The following PLXND1 variants were observed in gnomAD, a reference collection of about 807,000 sequenced individuals.
PLXND1 encodes plexin-D1.
A neutral mutation model predicts 197.7 loss-of-function variants in PLXND1; 54 were observed. The observed-to-expected ratio is 0.27, with a 90% CI of 0.22 to 0.34. The LOEUF (loss-of-function observed/expected upper bound fraction) is 0.34. PLXND1 is among the 10% of genes least tolerant of loss of function. The pLI, the probability that PLXND1 is intolerant of heterozygous loss-of-function variation, is 1.00. For missense variants in PLXND1, 2,127 were observed against 2,699.2 expected (o/e 0.79, Z 4.70); for synonymous variants, 1,180 against 1,161.2 (o/e 1.02, Z -0.33).
chr3:129,578,510 C>A (rs549912989), intron 8 of PLXND1, 77 bp from the exon 9 acceptor site: 1 of 856,262 alleles, frequency 1.2e-6, no homozygotes, highest in African/African-American at 1.7e-5. Context: ...GCACCCCAGC[C>A]TGCCTGGTTC....
chr3:129,586,926 T>C (rs1181077840), intron 2 of PLXND1, among the ~76,000 whole-genome samples: 1 of 152,194 alleles, frequency 6.6e-6, no homozygotes, highest in Non-Finnish European at 1.5e-5. Context: ...CAGGAGCTCC[T>C]TCTGGGCTCG....
intron 5 of PLXND1, among the ~76,000 whole-genome samples, chr3:129,585,398 G>T (rs535361235): frequency 1.3e-5 from 2 of 152,166 alleles, no homozygotes; most frequent in Non-Finnish European, 2.9e-5. Flanking sequence ...ATCCCCCACC[G>T]CCAAGGCTGC....
rs761078505 is a variant in PLXND1, at chr3:129,605,284, C to CCCGCCCCCGCCGCCG, written c.1311+44_1311+45insCGGCGGCGGGGGCGG. ...GTTCCCGCCCGCCCCCGCCCCCGCC[C>CCCGCCCCCGCCGCCG]CCGCCGCCGCCGCCGCCGCCGCCGC... On this transcript the variant is annotated intron_variant, in intron 1 of 35. Transcript: ENST00000324093. The CCCGCCCCCGCCGCCG allele has an allele frequency of 1.9e-5, 14 of 727,242 alleles. No homozygotes were observed. In the African/African-American group the frequency reaches 2.7e-4, roughly 14 times the overall value. The allele number at this position is 727,242 out of a possible 1,614,324, so 45.0% of individuals were successfully genotyped here. A position where few individuals can be genotyped will look rare whatever the true frequency, so the allele number is the denominator to read the frequency against.
At position 129,589,437 on chromosome 3, in the gene PLXND1, C is replaced by T. The variant is rs781768858; in HGVS notation, c.1402G>A (p.Ala468Thr). Residue 468 changes from alanine (A) to threonine (T), a missense_variant, in exon 2 of 36, where the codon GCC becomes ACC. By Grantham distance (58) the Ala-to-Thr change is moderately conservative. Around this residue, in one of 6 missense-constraint regions of PLXND1, gnomAD observed 1,095 missense variants for 1,259.8 expected, o/e 0.87. Coordinates refer to ENST00000324093, the MANE Select transcript of PLXND1 (RefSeq NM_015103.3). ...QPLKATPVFR[A>T]PGLTSVAVAS... ...ACGGCCACGGAGGTGAGGCCCGGGG[C>T]GCGGAACACGGGCGTGGCCTTCAGG... The T allele has an allele frequency of 9.3e-6, 15 of 1,611,216 alleles. No homozygotes were observed. The highest frequency in any genetic ancestry group is 8.0e-5 in the African/African-American group (6 of 74,736).
intron 26 of PLXND1, 62 bp downstream of exon 26, chr3:129,563,032 T>A: frequency 6.2e-7 from 1 of 1,611,248 alleles, no homozygotes; most frequent in Admixed American, 1.7e-5. Context: ...AGAGGAAGGC[T>A]GGGTCAATGC....
At chr3:129,566,482 G>A (rs750561794) in intron 23 of PLXND1, 45 bp downstream of exon 23, 1 of 1,159,958 alleles carries the variant, frequency 8.6e-7, no homozygotes, top group Admixed American at 1.7e-5. Flanking sequence ...GGGGAGCAGG[G>A]TTGCCCTGAA....
At position 129,567,822 on chromosome 3, in the gene PLXND1, G is replaced by A. The variant is rs1441877041; in HGVS notation, c.3866-17C>T. The A allele has an allele frequency of 9.3e-6, 14 of 1,506,726 alleles. No homozygotes were observed. The highest frequency in any genetic ancestry group is 9.2e-6 in the Non-Finnish European group (10 of 1,085,858). 93.3% of individuals were successfully genotyped at this position (1,506,726 alleles called of 1,614,324 possible). A position where few individuals can be genotyped will look rare whatever the true frequency, so the allele number is the denominator to read the frequency against. ...CGAACAGGGCTGCGGGCAGTGGAGA[G>A]GCAGGTCAGGCCTCTGGTGCCCTTT... On this transcript the variant is annotated splice_polypyrimidine_tract_variant and intron_variant, in intron 20 of 35. Coordinates refer to ENST00000324093, the MANE Select transcript of PLXND1 (RefSeq NM_015103.3).
chr3:129,589,333 A>AC lies in PLXND1; in HGVS notation c.1488+17_1488+18insG. The AC allele has an allele frequency of 2.1e-6, 1 of 467,506 alleles. No individual in the cohort carries two copies. Among genetic ancestry groups the AC allele is most frequent in the Non-Finnish European group, 3.4e-6 (1 of 298,356 alleles). The allele number at this position is 467,506 out of a possible 1,614,324, so 29.0% of individuals were successfully genotyped here. On this transcript the variant is annotated intron_variant, in intron 2 of 35. Coordinates refer to ENST00000324093, the MANE Select transcript of PLXND1 (RefSeq NM_015103.3). ...CCTCCCACCCCCACCCCCTCCCCAC[A>AC]TCCCCAACCATACCTACCTTGAGAA...
chr3:129,585,050 A>G (rs2085439640), intron 5 of PLXND1, among the ~76,000 whole-genome samples: 2 of 151,972 alleles, frequency 1.3e-5, no homozygotes, highest in African/African-American at 2.4e-5. Context: ...TATCTTGCCT[A>G]TTCTCCTCCC....
At chr3:129,564,271 C>A (rs1194775983) in intron 25 of PLXND1, among the ~76,000 whole-genome samples, 1 of 152,242 alleles carries the variant, frequency 6.6e-6, no homozygotes, top group Non-Finnish European at 1.5e-5. Context: ...CCCCATTTGA[C>A]AGAAGGAAAC....
intron 27 of PLXND1, 21 bp downstream of exon 27, chr3:129,562,766 T>C: frequency 6.3e-7 from 1 of 1,582,754 alleles, no homozygotes; most frequent in East Asian, 2.3e-5. Context: ...ACACGGGGTC[T>C]CTGCCCCCAT....
chr3:129,580,716 G>A (rs1366110390), intron 8 of PLXND1, among the ~76,000 whole-genome samples: 1 of 151,908 alleles, frequency 6.6e-6, no homozygotes, highest in Non-Finnish European at 1.5e-5. Context: ...GAGTCCTCGT[G>A]GCTCTCACAG....
In PLXND1 at chr3:129,565,444, C is replaced by T. The variant is rs759179980; in HGVS notation, c.4417G>A (p.Ala1473Thr). Residue 1473 changes from alanine to threonine, a missense_variant, in exon 25 of 36, where the codon GCC becomes ACC. Ala to Thr is a moderately conservative substitution (Grantham distance 58, BLOSUM62 0). Around this residue, in one of 6 missense-constraint regions of PLXND1, gnomAD observed 532 missense variants for 811.0 expected, o/e 0.66. Coordinates refer to ENST00000324093, the MANE Select transcript of PLXND1 (RefSeq NM_015103.3). ...MKELLVDLID[A>T]SAAKNPKLML... ...AGCTTGGGGTTCTTGGCGGCCGAGG[C>T]GTCAATGAGGTCCACCAGCAGCTCC... The T allele has an allele frequency of 5.6e-6, 9 of 1,613,938 alleles. No homozygotes were observed. The highest frequency in any genetic ancestry group is 1.7e-5 in the Admixed American group (1 of 60,010).
intron 2 of PLXND1, among the ~76,000 whole-genome samples, chr3:129,588,169 G>A (rs989829148): frequency 3.6e-4 from 55 of 152,250 alleles, no homozygotes; most frequent in Admixed American, 6.5e-4. Flanking sequence ...CGGGGTGTGG[G>A]CTATGGGCCA....
chr3:129,577,379 C>A lies in PLXND1; in HGVS notation c.2346+950G>T, dbSNP rs144548415. On this transcript the variant is annotated intron_variant, in intron 9 of 35. Coordinates refer to ENST00000324093, the MANE Select transcript of PLXND1 (RefSeq NM_015103.3). The surrounding 1 kb of genome is among the most constrained non-coding windows in gnomAD (Gnocchi z 5.0). Reference sequence around the variant, plus strand: ...CACACCTCCCCATCCCAGGCGCCCACGGCCCAGGGGCAGAGCCATCCTGCC... The same window carrying A: ...CACACCTCCCCATCCCAGGCGCCCAAGGCCCAGGGGCAGAGCCATCCTGCC... Among the ~76,000 whole-genome samples, 1 of 152,292 alleles carries A rather than the reference C, an allele frequency of 6.6e-6. No homozygotes were observed. The highest frequency in any genetic ancestry group is 2.4e-5 in the African/African-American group (1 of 41,570).
At chr3:129,595,921 G>GCACACACACACACACACACA (rs57098603) in intron 1 of PLXND1, among the ~76,000 whole-genome samples, 54 of 146,510 alleles carry the variant, frequency 3.7e-4, no homozygotes, top group African/African-American at 1.1e-3. Flanking sequence ...GTGCACGCAC[G>GCACACACACACACACACACA]CACACACACA....
At position 129,556,248 on chromosome 3, in the gene PLXND1, T is replaced by C; in HGVS notation, c.*64A>G. On this transcript the variant is annotated 3_prime_UTR_variant, in exon 36 of 36. Coordinates refer to ENST00000324093, the MANE Select transcript of PLXND1 (RefSeq NM_015103.3). Reference sequence around the variant, plus strand: ...TGAGTCACAGGCACGGGGTAGAAGATCAAGTTGAGGCCCAGTGGGCGTCCA... The same window carrying C: ...TGAGTCACAGGCACGGGGTAGAAGACCAAGTTGAGGCCCAGTGGGCGTCCA... The C allele has an allele frequency of 9.3e-7, 1 of 1,078,176 alleles. No individual in the cohort carries two copies. Among genetic ancestry groups the C allele is most frequent in the South Asian group, 1.3e-5 (1 of 77,122 alleles). The allele number at this position is 1,078,176 out of a possible 1,614,324, so 66.8% of individuals were successfully genotyped here. A position where few individuals can be genotyped will look rare whatever the true frequency, so the allele number is the denominator to read the frequency against.
intron 1 of PLXND1, among the ~76,000 whole-genome samples, chr3:129,601,680 C>T (rs2085710144): frequency 6.6e-6 from 1 of 152,186 alleles, no homozygotes; most frequent in Admixed American, 6.5e-5. Flanking sequence ...CAGAGGTACC[C>T]CATCACATGC....
In PLXND1 at chr3:129,571,046, A is replaced by G. The variant is rs756686130; in HGVS notation, c.3594T>C (p.Val1198=). Residue 1198 remains valine (V), a synonymous_variant, in exon 18 of 36, where the codon GTT becomes GTC. Transcript: ENST00000324093. ...KHHPGEPLTL[V]IHKEQDSLGL... is the part of the protein sequence containing the mutation. ...CGGCCCCTTTGGTGCTCACGTGGAT[A>G]ACGAGGGTGAGAGGCTCCCCGGGGT... The G allele has an allele frequency of 1.9e-6, 3 of 1,613,830 alleles. No individual in the cohort carries two copies. The South Asian group carries it at 3.3e-5, about 18-fold the overall frequency.
Sources: gnomAD v4.1 joint callset for allele counts (sites outside exome capture counted in the v4.1 genomes callset) on GRCh38, gnomAD v4.1.1 for gene constraint, gnomAD v4.1.1 regional missense constraint, Gnocchi (gnomAD v3.1) non-coding constraint, MANE v1.5 for transcripts, NCBI Gene and HGNC (gene_info 2026-07-23, HGNC 2026-07-21) for gene names.